Variants in DNAAF9 observed in about 807,000 individuals in gnomAD.
DNAAF9 encodes dynein axonemal assembly factor 9.
DNAAF9 carries 90 observed loss-of-function variants against 167.0 expected under a neutral mutation model. That is an observed-to-expected ratio of 0.54 (90% CI 0.45 to 0.64). The LOEUF is 0.64. Among genes scored for constraint, DNAAF9 ranks in the 30% least tolerant of loss-of-function variants. The pLI is 0.00. For synonymous variants in DNAAF9, 491 were observed against 508.8 expected, an observed-to-expected ratio of 0.96 and a Z score of 0.47; for missense variants, 1,315 against 1,442.2, an observed-to-expected ratio of 0.91 and a Z score of 1.43.
intron 24 of DNAAF9, 67 bp from the exon 25 acceptor site, chr20:3,294,323 GAAA>G: frequency 9.2e-7 from 1 of 1,092,256 alleles, no homozygotes; most frequent in South Asian, 1.3e-5. Flanking sequence ...CTACTCACAT[GAAA>G]AAGTTTTTAC....
chr20:3,307,104 G>A (rs1271754321), intron 20 of DNAAF9: 2 of 984,754 alleles, frequency 2.0e-6, no homozygotes, highest in African/African-American at 1.7e-5. Context: ...TGGAGAAGCT[G>A]GCACATTCCA....
chr20:3,309,899 T>C (rs2069370106), intron 20 of DNAAF9, among the ~76,000 whole-genome samples: 2 of 152,020 alleles, frequency 1.3e-5, no homozygotes. Context: ...ATCCAAAATC[T>C]ATAAAGAATT....
chr20:3,383,665 T>G (rs779370261), intron 1 of DNAAF9, among the ~76,000 whole-genome samples: 3 of 152,188 alleles, frequency 2.0e-5, no homozygotes, highest in Non-Finnish European at 4.4e-5. Context: ...CTTCCACCTA[T>G]GAAGCCAGGC....
At position 3,325,741 on chromosome 20, in the gene DNAAF9, C is replaced by T. The variant is rs188932057; in HGVS notation, c.1188+456G>A. Reference sequence around the variant, plus strand: ...AGCAAGGAAGATAATGGTCAGAGAACGGGAACACATGTGCTTGTCTAGGAA... The same window carrying T: ...AGCAAGGAAGATAATGGTCAGAGAATGGGAACACATGTGCTTGTCTAGGAA... On this transcript the variant is annotated intron_variant, in intron 13 of 36. Transcript: ENST00000252032. Among the ~76,000 whole-genome samples the T allele has an allele frequency of 2.4e-4, 37 of 152,224 alleles. No individual in the cohort carries two copies. In the East Asian group the frequency reaches 6.0e-3, roughly 25 times the overall value.
At chr20:3,374,932 T>G in intron 5 of DNAAF9, 98 bp downstream of exon 5, 1 of 673,548 alleles carries the variant, frequency 1.5e-6, no homozygotes, top group South Asian at 1.9e-5. Context: ...GACGAAGGGG[T>G]TTCTCAGCTG....
chr20:3,381,316 A>C, intron 3 of DNAAF9, 63 bp downstream of exon 3: 2 of 1,273,270 alleles, frequency 1.6e-6, no homozygotes, highest in Non-Finnish European at 2.2e-6. Context: ...ACCATAAAAT[A>C]AGGATCCAAA....
At chr20:3,364,785 C>G (rs1288114026) in intron 6 of DNAAF9, among the ~76,000 whole-genome samples, 1 of 152,074 alleles carries the variant, frequency 6.6e-6, no homozygotes, top group Non-Finnish European at 1.5e-5. Flanking sequence ...AATCTTTTTG[C>G]TGGTGGAGGG....
intron 3 of DNAAF9, among the ~76,000 whole-genome samples, chr20:3,377,468 CT>C (rs111891802): frequency 2.0e-3 from 291 of 143,762 alleles, no homozygotes; most frequent in Admixed American, 1.8e-3. Flanking sequence ...TGTTTTCTTT[CT>C]TTTTTTTTTT....
At chr20:3,253,233 G>C (rs1396848733) in intron 36 of DNAAF9, among the ~76,000 whole-genome samples, 2 of 152,218 alleles carry the variant, frequency 1.3e-5, no homozygotes, top group Non-Finnish European at 2.9e-5. Context: ...CCTGAGGTCA[G>C]GCGTTTGAGA....
At chr20:3,253,853 G>A (rs752324042) in intron 35 of DNAAF9, 34 bp from the exon 36 acceptor site, 37 of 1,157,086 alleles carry the variant, frequency 3.2e-5, no homozygotes, top group Non-Finnish European at 4.3e-5. Context: ...ATAATTATCT[G>A]ACTACTTTCT....
At chr20:3,325,822 A>G (rs987566536) in intron 13 of DNAAF9, among the ~76,000 whole-genome samples, 1 of 152,140 alleles carries the variant, frequency 6.6e-6, no homozygotes, top group African/African-American at 2.4e-5. Context: ...GAGTTATAGG[A>G]AATCAAACTT....
intron 17 of DNAAF9, among the ~76,000 whole-genome samples, chr20:3,317,705 T>C (rs2069529867): frequency 6.6e-6 from 1 of 152,050 alleles, no homozygotes; most frequent in Non-Finnish European, 1.5e-5. Context: ...CAAGTGATTC[T>C]CCTGCCTCAG....
chr20:3,356,165 G>T (rs2083284421), intron 7 of DNAAF9, among the ~76,000 whole-genome samples: 1 of 152,144 alleles, frequency 6.6e-6, no homozygotes, highest in African/African-American at 2.4e-5. Flanking sequence ...TTACAGGCAT[G>T]TGCCACAATG....
intron 22 of DNAAF9, 139 bp from the exon 23 acceptor site, chr20:3,297,088 A>C (rs1367588692): frequency 1.3e-5 from 8 of 633,362 alleles, no homozygotes; most frequent in Non-Finnish European, 2.0e-5. Context: ...TTTGCTTCAA[A>C]AATAGAGGCC....
Position 3,315,101 on chromosome 20 carries a change from C to G in DNAAF9, c.1610G>C (p.Gly537Ala), listed in dbSNP as rs2069480203. Residue 537 changes from glycine to alanine, a missense_variant, in exon 20 of 37, where the codon GGC (glycine) becomes GCC (alanine). Physicochemically the swap from Gly to Ala is moderately conservative, Grantham distance 60. Transcript: ENST00000252032. The surrounding 1 kb of genome is among the most constrained non-coding windows in gnomAD (Gnocchi z 4.1). ...TCCTTCTCCTCCTGTTAGATAAGTG[C>G]CCAGGAAAGACTCATCCCCCTTTAA... ...QAVRGDESFL[G>A]TYLTGGEGAY... is the part of the protein sequence containing the mutation. The G allele has an allele frequency of 6.2e-7, 1 of 1,607,690 alleles. No individual in the cohort carries two copies. The highest frequency in any genetic ancestry group is 1.7e-5 in the Admixed American group (1 of 59,970).
At chr20:3,365,710 C>G (rs2083425294) in intron 6 of DNAAF9, among the ~76,000 whole-genome samples, 1 of 152,088 alleles carries the variant, frequency 6.6e-6, no homozygotes, top group Admixed American at 6.6e-5. Flanking sequence ...ATTTTACCCA[C>G]AGTAGAACTT....
intron 6 of DNAAF9, among the ~76,000 whole-genome samples, chr20:3,364,634 A>G (rs1241701887): frequency 6.6e-6 from 1 of 152,242 alleles, no homozygotes; most frequent in Non-Finnish European, 1.5e-5. Context: ...CCTAGTACAT[A>G]TAAAAGTTAT....
chr20:3,268,897 C>CTTTTTTTTTTTTTTTTTTTTTTTT lies in DNAAF9; in HGVS notation c.2786+1506_2786+1529dup, dbSNP rs386393120. Among the ~76,000 whole-genome samples the CTTTTTTTTTTTTTTTTTTTTTTTT allele has an allele frequency of 3.7e-4, 32 of 85,842 alleles. 2 individuals carry two copies. Among genetic ancestry groups the CTTTTTTTTTTTTTTTTTTTTTTTT allele is most frequent in the Non-Finnish European group, 4.3e-4 (20 of 46,586 alleles). The allele number at this position is 85,842 out of a possible 152,430, so 56.3% of individuals were successfully genotyped here. A position where few individuals can be genotyped will look rare whatever the true frequency, so the allele number is the denominator to read the frequency against. ...GTAAAGAGATAATATCTCTATGTTACTTTTTTTTTTTTTTTTTTTTTTTTG... is the reference window on the plus strand; with the variant it reads ...GTAAAGAGATAATATCTCTATGTTACTTTTTTTTTTTTTTTTTTTTTTTTTTTTTTTTTTTTTTTTTTTTTTTTG... On this transcript the variant is annotated intron_variant, in intron 30 of 36. Coordinates refer to ENST00000252032, the MANE Select transcript of DNAAF9 (RefSeq NM_001009984.3).
At chr20:3,335,825 C>T (rs111250924) in intron 10 of DNAAF9, among the ~76,000 whole-genome samples, 4,473 of 148,006 alleles carry the variant, frequency 0.03, 98 homozygotes, top group African/African-American at 0.056. Context: ...TGGCTGTTTT[C>T]AAGATTTTTT....
Sources: allele counts gnomAD v4.1 joint callset (sites outside exome capture counted in the v4.1 genomes callset), GRCh38; gene constraint gnomAD v4.1.1; non-coding constraint Gnocchi (gnomAD v3.1); transcripts MANE v1.5; gene names NCBI Gene and HGNC (gene_info 2026-07-23, HGNC 2026-07-21).